MED26: variants seen among roughly 807,000 people sequenced by gnomAD.
The protein encoded by MED26 is mediator of RNA polymerase II transcription subunit 26.
Under a neutral mutation model 43.7 loss-of-function variants are expected in MED26, and 7 were observed. The ratio of observed to expected loss-of-function variants is 0.16; its 90% CI spans 0.09 to 0.30. The LOEUF is 0.30. MED26 is among the 10% of genes least tolerant of loss of function. MED26 has a pLI of 1.00. For missense variants in MED26, 784 were observed against 840.6 expected, an observed-to-expected ratio of 0.93 and a Z score of 0.83; for synonymous variants, 375 against 371.1, an observed-to-expected ratio of 1.01 and a Z score of -0.12.
intron 1 of MED26, among the ~76,000 whole-genome samples, chr19:16,602,690 A>G (rs1449798497): frequency 6.6e-6 from 1 of 152,244 alleles, no homozygotes; most frequent in African/African-American, 2.4e-5. Context: ...ATCCTGACAC[A>G]TGCAACAACA....
At chr19:16,596,021 T>A (rs2086118637) in intron 1 of MED26, among the ~76,000 whole-genome samples, 1 of 152,158 alleles carries the variant, frequency 6.6e-6, no homozygotes, top group Non-Finnish European at 1.5e-5. Context: ...TTTCTTTTTG[T>A]TTTTCTTGAG....
At chr19:16,623,747 G>T (rs1157819017) in intron 1 of MED26, among the ~76,000 whole-genome samples, 4 of 152,092 alleles carry the variant, frequency 2.6e-5, no homozygotes, top group African/African-American at 9.7e-5. Context: ...GCCTCTTCCG[G>T]AGCCATCTCT....
intron 1 of MED26, among the ~76,000 whole-genome samples, chr19:16,621,657 C>T (rs933865552): frequency 6.6e-6 from 1 of 152,030 alleles, no homozygotes; most frequent in Non-Finnish European, 1.5e-5. Context: ...CAGAACCTCC[C>T]GGTACTTGGA....
At chr19:16,600,087 A>G (rs1351333730) in intron 1 of MED26, among the ~76,000 whole-genome samples, 1 of 152,094 alleles carries the variant, frequency 6.6e-6, no homozygotes, top group Non-Finnish European at 1.5e-5. Context: ...CAGCCAGCCC[A>G]GGCCCAGGCC....
At chr19:16,590,788 A>G (rs2086092184) in intron 1 of MED26, among the ~76,000 whole-genome samples, 1 of 152,184 alleles carries the variant, frequency 6.6e-6, no homozygotes, top group Non-Finnish European at 1.5e-5. Context: ...CTGTAATCCA[A>G]GCACTTTGGG....
In MED26 at chr19:16,627,957, C is replaced by T; in HGVS notation, c.-14G>A. 7.0e-7 allele frequency: 1 copy of T among 1,438,224 alleles called. No individual in the cohort carries two copies. Among genetic ancestry groups the T allele is most frequent in the Non-Finnish European group, 9.2e-7 (1 of 1,091,600 alleles). The allele number at this position is 1,438,224 out of a possible 1,614,324, so 89.1% of individuals were successfully genotyped here. A position where few individuals can be genotyped will look rare whatever the true frequency, so the allele number is the denominator to read the frequency against. The stretch of plus-strand genomic sequence containing the variant: ...AGCCGCTGTCATTGCCTGGGCGAGG[C>T]GGGGGGTTGCGGCCGGGCCAGCGGG... On this transcript the variant is annotated 5_prime_UTR_variant, in exon 1 of 3. Coordinates refer to ENST00000263390, the MANE Select transcript of MED26 (RefSeq NM_004831.5).
At chr19:16,619,689 A>C (rs2086242683) in intron 1 of MED26, among the ~76,000 whole-genome samples, 1 of 152,034 alleles carries the variant, frequency 6.6e-6, no homozygotes. Flanking sequence ...GAGTCCTCCC[A>C]GTAACTCACC....
Position 16,575,972 on chromosome 19 carries a change from G to A in MED26, c.*55C>T. 6.5e-7 allele frequency: 1 copy of A among 1,531,330 alleles called. No individual in the cohort carries two copies. Among genetic ancestry groups the A allele is most frequent in the Non-Finnish European group, 8.9e-7 (1 of 1,128,068 alleles). 94.9% of individuals were successfully genotyped at this position (1,531,330 alleles called of 1,614,324 possible). A position where few individuals can be genotyped will look rare whatever the true frequency, so the allele number is the denominator to read the frequency against. ...GCCCCGGCCACCTGCCCACCTGCCT[G>A]CCCGCCCACCCGGCTTCTGCAAGAT... On this transcript the variant is annotated 3_prime_UTR_variant, in exon 3 of 3. Transcript: ENST00000263390.
In MED26 at chr19:16,576,134, A is replaced by G. The variant is rs2085996030; in HGVS notation, c.1696T>C (p.Cys566Arg). Residue 566 changes from cysteine (C) to arginine (R), a missense_variant, in exon 3 of 3, where the codon TGT (cysteine) becomes CGT (arginine). Coordinates refer to ENST00000263390, the MANE Select transcript of MED26 (RefSeq NM_004831.5). The surrounding 1 kb of genome is among the most constrained non-coding windows in gnomAD (Gnocchi z 6.8). ...QASQWPGVNG[C>R]QDTQGNWYDW... ...TACCAGTTACCCTGTGTGTCCTGAC[A>G]CCCGTTCACCCCCGGCCACTGGCTG... 1.2e-6 allele frequency: 2 copies of G among 1,613,832 alleles called. No homozygotes were observed. Among genetic ancestry groups the G allele is most frequent in the East Asian group, 2.2e-5 (1 of 44,864 alleles).
intron 1 of MED26, among the ~76,000 whole-genome samples, chr19:16,614,712 C>T (rs369839354): frequency 6.6e-6 from 1 of 152,198 alleles, no homozygotes; most frequent in East Asian, 1.9e-4. Flanking sequence ...ACAGGCTCAG[C>T]GCCTGGGTGC....
intron 1 of MED26, among the ~76,000 whole-genome samples, chr19:16,617,035 G>A (rs1449880635): frequency 6.6e-6 from 1 of 152,074 alleles, no homozygotes; most frequent in Non-Finnish European, 1.5e-5. Flanking sequence ...CCAACTTGAG[G>A]GAGCCCACCA....
chr19:16,610,986 G>C (rs2086196854), intron 1 of MED26: 2 of 152,210 alleles, frequency 1.3e-5, no homozygotes, highest in Non-Finnish European at 2.9e-5. Context: ...AGCATGTGTA[G>C]ATCATGACAA....
At chr19:16,601,553 G>A (rs972592136) in intron 1 of MED26, among the ~76,000 whole-genome samples, 2 of 152,220 alleles carry the variant, frequency 1.3e-5, no homozygotes, top group Non-Finnish European at 2.9e-5. Context: ...CCTGGCAGGC[G>A]AGCAGACATG....
intron 1 of MED26, among the ~76,000 whole-genome samples, chr19:16,592,085 G>T (rs949575915): frequency 1.3e-5 from 2 of 152,174 alleles, no homozygotes; most frequent in East Asian, 3.8e-4. Context: ...AAGGCTGTGG[G>T]CTCTGCTTGG....
At chr19:16,584,537 G>A (rs1409085281) in intron 1 of MED26, among the ~76,000 whole-genome samples, 2 of 152,180 alleles carry the variant, frequency 1.3e-5, no homozygotes, top group Non-Finnish European at 1.5e-5. Flanking sequence ...CCTGGGTCAG[G>A]CGCCTGGAGC....
chr19:16,608,099 T>A (rs537135070), intron 1 of MED26, among the ~76,000 whole-genome samples: 45 of 152,312 alleles, frequency 3.0e-4, no homozygotes, highest in African/African-American at 1.0e-3. Context: ...CACGTTCCAA[T>A]ACATCTCCTC....
intron 1 of MED26, among the ~76,000 whole-genome samples, chr19:16,615,537 A>G (rs975638418): frequency 6.6e-6 from 1 of 152,214 alleles, no homozygotes; most frequent in African/African-American, 2.4e-5. Flanking sequence ...ACCTGAGGTC[A>G]GGAGTTCGAG....
In MED26 at chr19:16,577,322, G is replaced by A. The variant is rs760145084; in HGVS notation, c.508C>T (p.His170Tyr). The A allele has an allele frequency of 1.2e-6, 2 of 1,611,882 alleles. No homozygotes were observed. The highest frequency in any genetic ancestry group is 1.7e-5 in the Admixed American group (1 of 60,004). ...GATGAGTTGGGGACCAGGGGGTCGT[G>A]GCTAGCTTTGGAGACCTTGGGTGGC... The part of the protein sequence containing the change: ...GPPPKVSKAS[H>Y]DPLVPNSSPL... Residue 170 changes from histidine (H) to tyrosine (Y), a missense_variant, in exon 3 of 3, where the codon CAC becomes TAC. Coordinates refer to ENST00000263390, the MANE Select transcript of MED26 (RefSeq NM_004831.5). The surrounding 1 kb of genome is among the most constrained non-coding windows in gnomAD (Gnocchi z 8.1).
intron 1 of MED26, among the ~76,000 whole-genome samples, chr19:16,613,283 T>TA (rs1047217105): frequency 3.9e-5 from 6 of 151,966 alleles, no homozygotes; most frequent in African/African-American, 1.4e-4. Context: ...AGAGGATTTC[T>TA]AGTTGATTGT....
Sources: gnomAD v4.1 joint callset for allele counts (sites outside exome capture counted in the v4.1 genomes callset) on GRCh38, gnomAD v4.1.1 for gene constraint, Gnocchi (gnomAD v3.1) non-coding constraint, MANE v1.5 for transcripts, NCBI Gene and HGNC (gene_info 2026-07-23, HGNC 2026-07-21) for gene names.